FGFR4: variants seen among roughly 807,000 people sequenced by gnomAD.
FGFR4 encodes the protein fibroblast growth factor receptor 4.
Under a neutral mutation model 89.9 loss-of-function variants are expected in FGFR4, and 63 were observed. That is an observed-to-expected ratio of 0.70 (90% CI 0.57 to 0.86). The LOEUF (loss-of-function observed/expected upper bound fraction) is 0.86. Among genes scored for constraint, FGFR4 ranks in the 40% least tolerant of loss-of-function variants. The pLI is 0.00. For missense variants in FGFR4, 928 were observed against 1,106.7 expected (o/e 0.84, Z 2.29); for synonymous variants, 486 against 479.4 (o/e 1.01, Z -0.18).
intron 1 of FGFR4, 34 bp from the exon 2 acceptor site, chr5:177,089,516 G>C: frequency 6.6e-7 from 1 of 1,508,528 alleles, no homozygotes. Flanking sequence ...AAAGGTGCAC[G>C]TGTAGCAGGA....
rs1784209709 is a variant in FGFR4 at position 177,087,969 on chromosome 5, T to C, written c.-54+892T>C. On this transcript the variant is annotated intron_variant, in intron 1 of 17. Transcript: ENST00000292408. The surrounding 1 kb of genome is among the most constrained non-coding windows in gnomAD (Gnocchi z 6.1). ...TGAGCTGGATCCTGCTGGGCACAGG[T>C]AGCCATTAAGGGCTTGCAAGCTGGG... is the stretch of plus-strand genomic sequence containing the variant. 6.6e-6 allele frequency among the ~76,000 whole-genome samples: 1 copy of C among 152,208 alleles called. No homozygotes were observed. The highest frequency in any genetic ancestry group is 2.4e-5 in the African/African-American group (1 of 41,450).
chr5:177,093,624 G>A lies in FGFR4; in HGVS notation c.1398-30G>A. 1 of 1,614,104 alleles carries A rather than the reference G, an allele frequency of 6.2e-7. No homozygotes were observed. Among genetic ancestry groups the A allele is most frequent in the Non-Finnish European group, 8.5e-7 (1 of 1,179,970 alleles). Reference sequence around the variant, plus strand: ...CCGCCCTCCGCAGGAGTGACTCGGAGGTCTGAGGCTGGACTTTCTCCATCT... The same window carrying A: ...CCGCCCTCCGCAGGAGTGACTCGGAAGTCTGAGGCTGGACTTTCTCCATCT... On this transcript the variant is annotated intron_variant, in intron 10 of 17. Transcript: ENST00000292408. This position sits in a 1 kb window ranked among gnomAD's most constrained non-coding sequence, Gnocchi z 5.8.
Position 177,095,910 on chromosome 5 carries a change from C to G in FGFR4, c.1822-147C>G. 1.5e-5 allele frequency: 19 copies of G among 1,307,076 alleles called. No individual in the cohort carries two copies. The highest frequency in any genetic ancestry group is 2.0e-5 in the Non-Finnish European group (19 of 973,400). The allele number at this position is 1,307,076 out of a possible 1,614,324, so 81.0% of individuals were successfully genotyped here. ...CCTTCCCCAGAGGGGAGAGGGGACGCAGGAGAAGGCACTCCCCGTTTCTAA... is the reference window on the plus strand; with the variant it reads ...CCTTCCCCAGAGGGGAGAGGGGACGGAGGAGAAGGCACTCCCCGTTTCTAA... On this transcript the variant is annotated intron_variant, in intron 13 of 17. Coordinates refer to ENST00000292408, the MANE Select transcript of FGFR4 (RefSeq NM_213647.3). This position sits in a 1 kb window ranked among gnomAD's most constrained non-coding sequence, Gnocchi z 5.7.
At position 177,090,544 on chromosome 5, in the gene FGFR4, G is replaced by A; in HGVS notation, c.246G>A (p.Trp82Ter). The change falls in exon 3 of 18, where the codon TGG (tryptophan) becomes TGA (stop). Residue 82 changes from tryptophan to a stop codon, truncating the protein, a stop_gained. Coordinates refer to ENST00000292408, the MANE Select transcript of FGFR4 (RefSeq NM_213647.3). LOFTEE classifies it high-confidence loss of function. The stretch of plus-strand genomic sequence containing the variant: ...CACCTGCTGGCCGTGTACGGGGCTG[G>A]AGGGGCCGCCTAGAGATTGCCAGCT... ...RLAPAGRVRG[W>*]RGRLEIASFL... 6.5e-7 allele frequency: 1 copy of A among 1,536,432 alleles called. No individual in the cohort carries two copies. The highest frequency in any genetic ancestry group is 8.7e-7 in the Non-Finnish European group (1 of 1,143,416).
rs1784321004 is a variant in FGFR4 at position 177,090,454 on chromosome 5, T to C, written c.156T>C (p.Pro52=). The change falls in exon 3 of 18, where the codon CCT becomes CCC. Residue 52 remains proline (P), a synonymous_variant. Transcript: ENST00000292408. ...EQELTVALGQ[P]VRLCCGRAER... is the part of the protein sequence containing the mutation. ...AGCTGACAGTAGCCCTTGGGCAGCC[T>C]GTGCGTCTGTGCTGTGGGCGGGCTG... 1.2e-6 allele frequency: 2 copies of C among 1,603,844 alleles called. No homozygotes were observed. The highest frequency in any genetic ancestry group is 1.7e-6 in the Non-Finnish European group (2 of 1,176,890).
chr5:177,092,454 C>T lies in FGFR4; in HGVS notation c.861C>T (p.Ile287=), dbSNP rs766877661. 5.6e-6 allele frequency: 9 copies of T among 1,602,098 alleles called. No individual in the cohort carries two copies. The highest frequency in any genetic ancestry group is 2.3e-5 in the East Asian group (1 of 44,226). ...AQPHIQWLKH[I]VINGSSFGAD... ...CCCACATCCAGTGGCTGAAGCACAT[C>T]GTCATCAACGGCAGCAGCTTCGGAG... The change falls in exon 7 of 18, where the codon ATC becomes ATT. Residue 287 remains isoleucine, a synonymous_variant. Transcript: ENST00000292408.
In FGFR4 at chr5:177,096,360, G is replaced by A. The variant is rs775671644; in HGVS notation, c.2015+3G>A. The A allele has an allele frequency of 1.0e-4, 163 of 1,613,830 alleles. No homozygotes were observed. The highest frequency in any genetic ancestry group is 1.4e-4 in the Non-Finnish European group (161 of 1,179,974). On this transcript the variant is annotated splice_donor_region_variant and intron_variant, in intron 15 of 17. Transcript: ENST00000292408. ...GTGTACACACACCAGAGTGACGTGT[G>A]AGTCCTGCCGGCGGTCACTGTCCTA... is the stretch of plus-strand genomic sequence containing the variant.
At chr5:177,097,223 A>C in intron 16 of FGFR4, 69 bp from the exon 17 acceptor site, 11 of 1,306,372 alleles carry the variant, frequency 8.4e-6, no homozygotes, top group African/African-American at 1.5e-5. Context: ...CCACCCAGAG[A>C]ACCCCCGGTC....
intron 5 of FGFR4, 135 bp downstream of exon 5, chr5:177,091,239 G>A (rs1174813960): frequency 4.5e-6 from 5 of 1,112,456 alleles, no homozygotes; most frequent in African/African-American, 1.6e-5. Flanking sequence ...GCCCTGGACT[G>A]TGGACCTGGG....
chr5:177,088,034 T>A (rs997825814), intron 1 of FGFR4, among the ~76,000 whole-genome samples: 1 of 152,088 alleles, frequency 6.6e-6, no homozygotes, highest in South Asian at 2.1e-4. Context: ...TTTGTTTGTT[T>A]TTTTATTTTA....
In FGFR4 at chr5:177,090,247, C is replaced by G. The variant is rs769838360; in HGVS notation, c.92-143C>G. 4.3e-5 allele frequency: 50 copies of G among 1,172,350 alleles called. No homozygotes were observed. In the African/African-American group the frequency reaches 6.6e-4, roughly 15 times the overall value. The allele number at this position is 1,172,350 out of a possible 1,614,324, so 72.6% of individuals were successfully genotyped here. On this transcript the variant is annotated intron_variant, in intron 2 of 17. Coordinates refer to ENST00000292408, the MANE Select transcript of FGFR4 (RefSeq NM_213647.3). Reference sequence around the variant, plus strand: ...TGGGTGTGGCATCCGCAGCATGTGGCTGTGTGGGTGTCAAGGAGTGGTGGC... The same window carrying G: ...TGGGTGTGGCATCCGCAGCATGTGGGTGTGTGGGTGTCAAGGAGTGGTGGC...
intron 6 of FGFR4, among the ~76,000 whole-genome samples, chr5:177,092,093 C>T (rs928828809): frequency 6.6e-6 from 1 of 152,158 alleles, no homozygotes. Context: ...TAGGGCGTGG[C>T]GTTTATATGG....
chr5:177,092,579 G>C, intron 7 of FGFR4, 67 bp from the exon 8 acceptor site: 2 of 1,568,574 alleles, frequency 1.3e-6, no homozygotes, highest in African/African-American at 1.3e-5. Flanking sequence ...GGGCTCCCCA[G>C]CTTCCCTGTT....
chr5:177,092,277 A>G (rs200447749), intron 6 of FGFR4, 44 bp from the exon 7 acceptor site: 26 of 1,504,348 alleles, frequency 1.7e-5, no homozygotes, highest in East Asian at 9.2e-5. Context: ...GGGTGCTTCT[A>G]TGGGTGCCGG....
Position 177,087,252 on chromosome 5 carries a change from C to T in FGFR4, c.-54+175C>T, listed in dbSNP as rs906573614. Among the ~76,000 whole-genome samples the T allele has an allele frequency of 6.6e-6, 1 of 152,170 alleles. No individual in the cohort carries two copies. Among genetic ancestry groups the T allele is most frequent in the Non-Finnish European group, 1.5e-5 (1 of 68,024 alleles). Reference sequence around the variant, plus strand: ...GCAGTGCACACAGGGCCTTTTGTCCCGCTCCGTCCAAAGAGCACCCCGGCC... The same window carrying T: ...GCAGTGCACACAGGGCCTTTTGTCCTGCTCCGTCCAAAGAGCACCCCGGCC... On this transcript the variant is annotated intron_variant, in intron 1 of 17. Transcript: ENST00000292408. This position sits in a 1 kb window ranked among gnomAD's most constrained non-coding sequence, Gnocchi z 6.1.
intron 15 of FGFR4, 84 bp from the exon 16 acceptor site, chr5:177,096,520 T>C: frequency 6.4e-7 from 1 of 1,561,202 alleles, no homozygotes; most frequent in East Asian, 2.3e-5. Flanking sequence ...ACAGCTGTGG[T>C]GGGTCATGTC....
chr5:177,093,499 C>G lies in FGFR4; in HGVS notation c.1345C>G (p.Leu449Val), dbSNP rs763502037. The G allele has an allele frequency of 3.1e-6, 5 of 1,613,964 alleles. No individual in the cohort carries two copies. The East Asian group carries it at 1.1e-4, about 36-fold the overall frequency. Residue 449 changes from leucine (L) to valine (V), a missense_variant, in exon 10 of 18, where the codon CTC becomes GTC. Physicochemically the swap from Leu to Val is conservative, Grantham distance 32 (BLOSUM62 1). This residue lies in a region of FGFR4 where 741 missense variants were observed against 836.9 expected (regional missense o/e 0.89). Coordinates refer to ENST00000292408, the MANE Select transcript of FGFR4 (RefSeq NM_213647.3). The surrounding 1 kb of genome is among the most constrained non-coding windows in gnomAD (Gnocchi z 5.8). ...SSSGPALLAGLVSLDLPLDPL... is the reference protein window; with the variant it reads ...SSSGPALLAGVVSLDLPLDPL... ...CAGCGGCCCCGCCTTGCTCGCCGGC[C>G]TCGTGAGTCTAGATCTACCTCTCGA...
chr5:177,097,427 C>A, intron 17 of FGFR4, 30 bp downstream of exon 17: 2 of 1,605,696 alleles, frequency 1.2e-6, no homozygotes, highest in Non-Finnish European at 1.7e-6. Flanking sequence ...CCACCTCCCT[C>A]TGCCTGCTCC....
chr5:177,090,099 TGTG>T (rs975307747), intron 2 of FGFR4: 25 of 555,596 alleles, frequency 4.5e-5, no homozygotes, highest in African/African-American at 2.6e-4. Context: ...GCATGTGCCT[TGTG>T]TGTGTGTGTG....
Sources: gnomAD v4.1 joint callset for allele counts (sites outside exome capture counted in the v4.1 genomes callset) on GRCh38, gnomAD v4.1.1 for gene constraint, gnomAD v4.1.1 regional missense constraint, Gnocchi (gnomAD v3.1) non-coding constraint, MANE v1.5 for transcripts, NCBI Gene and HGNC (gene_info 2026-07-23, HGNC 2026-07-21) for gene names.